The following ASXL2 variants were observed in gnomAD, a reference collection of about 807,000 sequenced individuals.
ASXL2 encodes the protein ASXL transcriptional regulator 2, also known as putative Polycomb group protein ASXL2.
ASXL2 carries 23 observed loss-of-function variants against 122.0 expected under a neutral mutation model. The ratio of observed to expected loss-of-function variants is 0.19; its 90% CI spans 0.14 to 0.27. ASXL2 has a LOEUF of 0.27. Among genes scored for constraint, ASXL2 ranks in the 10% least tolerant of loss-of-function variants. The pLI is 1.00. For missense variants in ASXL2, 1,518 were observed against 1,713.8 expected (o/e 0.89, Z 2.02); for synonymous variants, 650 against 637.0 (o/e 1.02, Z -0.31).
At chr2:25,785,436 G>T (rs185814642) in intron 5 of ASXL2, among the ~76,000 whole-genome samples, 6 of 152,254 alleles carry the variant, frequency 3.9e-5, no homozygotes, top group Admixed American at 3.3e-4. Flanking sequence ...TGGTGGCCAG[G>T]CTGGTCTCAA....
chr2:25,857,098 GGGA>G, intron 1 of ASXL2: 2 of 117,174 alleles, frequency 1.7e-5, no homozygotes, highest in African/African-American at 6.3e-5. Flanking sequence ...GGCGGGGGGG[GGGA>G]GATGGGCAGC....
chr2:25,798,329 A>T (rs2088942069), intron 5 of ASXL2, among the ~76,000 whole-genome samples: 1 of 152,224 alleles, frequency 6.6e-6, no homozygotes, highest in African/African-American at 2.4e-5. Context: ...AAAAGTTCAA[A>T]CAAAAAAGAA....
intron 3 of ASXL2, among the ~76,000 whole-genome samples, chr2:25,820,065 C>T (rs1353242931): frequency 2.0e-5 from 3 of 152,120 alleles, no homozygotes; most frequent in East Asian, 1.9e-4. Context: ...GTGTGCACCA[C>T]GATACCTGGC....
At chr2:25,795,772 A>C (rs1052239358) in intron 5 of ASXL2, among the ~76,000 whole-genome samples, 2 of 152,178 alleles carry the variant, frequency 1.3e-5, no homozygotes, top group African/African-American at 4.8e-5. Context: ...TTGTGAAAAG[A>C]AGCGAAAAAA....
chr2:25,756,058 G>A lies in ASXL2; in HGVS notation c.996C>T (p.Phe332=). 1 of 1,613,258 alleles carries A rather than the reference G, an allele frequency of 6.2e-7. No homozygotes were observed. Among genetic ancestry groups the A allele is most frequent in the Non-Finnish European group, 8.5e-7 (1 of 1,179,554 alleles). ...LNGSALNNEF[F]TSAAQGWKER... ...CCTTCCAGCCTTGGGCTGCTGAAGT[G>A]AAGAATTCATTGTTAAGGGCTGAGC... The change falls in exon 10 of 13, where the codon TTC becomes TTT. Residue 332 remains phenylalanine (F), a synonymous_variant. Transcript: ENST00000435504.
intron 6 of ASXL2, 102 bp from the exon 7 acceptor site, chr2:25,768,970 A>T (rs1385759023): frequency 1.7e-5 from 22 of 1,328,186 alleles, no homozygotes; most frequent in Non-Finnish European, 2.2e-5. Flanking sequence ...CTGATCGTTC[A>T]ATTTCTTTGA....
intron 1 of ASXL2, among the ~76,000 whole-genome samples, chr2:25,872,098 C>A (rs1334267116): frequency 6.6e-6 from 1 of 152,126 alleles, no homozygotes. Flanking sequence ...CAAAGAGCTA[C>A]ATAAATTAAA....
intron 5 of ASXL2, 136 bp from the exon 6 acceptor site, chr2:25,771,676 T>A: frequency 1.4e-6 from 1 of 690,258 alleles, no homozygotes; most frequent in Non-Finnish European, 2.4e-6. Context: ...TTTTTGGAGT[T>A]TTACTGCAAA....
In ASXL2 at chr2:25,846,117, G is replaced by A. The variant is rs1286243944; in HGVS notation, c.58-554C>T. ...TGGACTTAAAGGCAGCCCAAAACCC[G>A]GAACTGCAGACTAAGTGCAGGCAGA... On this transcript the variant is annotated intron_variant, in intron 1 of 12. Transcript: ENST00000435504. Among the ~76,000 whole-genome samples, 4 of 152,234 alleles carry A rather than the reference G, an allele frequency of 2.6e-5. No individual in the cohort carries two copies. In the East Asian group the frequency reaches 5.8e-4, roughly 22 times the overall value.
At chr2:25,803,386 G>A (rs2089029302) in intron 4 of ASXL2, among the ~76,000 whole-genome samples, 1 of 152,214 alleles carries the variant, frequency 6.6e-6, no homozygotes, top group East Asian at 1.9e-4. Flanking sequence ...AACCCAAGGA[G>A]GGAACCCCAA....
chr2:25,839,273 A>T lies in ASXL2; in HGVS notation c.141-3733T>A, dbSNP rs531438743. On this transcript the variant is annotated intron_variant, in intron 2 of 12. Transcript: ENST00000435504. ...AGAAAATTGAACAAGGAGGTGAGAC[A>T]TCTCTCAACAAAATTCTTTTTACTA... Among the ~76,000 whole-genome samples the T allele has an allele frequency of 4.6e-5, 7 of 152,340 alleles. No individual in the cohort carries two copies. In the South Asian group the frequency reaches 1.4e-3, roughly 32 times the overall value.
intron 5 of ASXL2, among the ~76,000 whole-genome samples, chr2:25,797,338 G>A (rs887433704): frequency 1.3e-5 from 2 of 152,074 alleles, no homozygotes; most frequent in Non-Finnish European, 2.9e-5. Context: ...CCAGCTACTC[G>A]GGAGGCCAAG....
In ASXL2 at chr2:25,741,193, G is replaced by A. The variant is rs765197550; in HGVS notation, c.*836C>T. ...TTAGTTACCACGAATGACTAAGTGCGGGGATAGGGTATTTTTGCTGGAATT... is the reference window on the plus strand; with the variant it reads ...TTAGTTACCACGAATGACTAAGTGCAGGGATAGGGTATTTTTGCTGGAATT... On this transcript the variant is annotated 3_prime_UTR_variant, in exon 13 of 13. Coordinates refer to ENST00000435504, the MANE Select transcript of ASXL2 (RefSeq NM_018263.6). The A allele has an allele frequency of 2.2e-5, 5 of 223,336 alleles. No homozygotes were observed. Among genetic ancestry groups the A allele is most frequent in the Non-Finnish European group, 4.5e-5 (5 of 112,016 alleles). 13.8% of individuals were successfully genotyped at this position (223,336 alleles called of 1,614,324 possible).
rs775430297 is a variant in ASXL2 at position 25,742,814 on chromosome 2, T to C, written c.3523A>G (p.Ser1175Gly). 1.4e-5 allele frequency: 23 copies of C among 1,613,946 alleles called. No individual in the cohort carries two copies. Among genetic ancestry groups the C allele is most frequent in the South Asian group, 2.2e-5 (2 of 91,090 alleles). Residue 1175 changes from serine (S) to glycine (G), a missense_variant, in exon 13 of 13, where the codon AGC becomes GGC. Transcript: ENST00000435504. The stretch of plus-strand genomic sequence containing the variant: ...TCATCAGTGTCATCTTCTTTGCTGC[T>C]GCTACTCTCTCCTGTTGCATTTTTA... ...DCKNATGESS[S>G]SKEDDTDEES...
At chr2:25,816,631 A>C (rs1383653676) in intron 3 of ASXL2, among the ~76,000 whole-genome samples, 1 of 152,232 alleles carries the variant, frequency 6.6e-6, no homozygotes, top group Non-Finnish European at 1.5e-5. Flanking sequence ...AGGAAGAAAA[A>C]AAGTATTTGT....
At chr2:25,830,032 A>G (rs968521496) in intron 3 of ASXL2, among the ~76,000 whole-genome samples, 1 of 152,236 alleles carries the variant, frequency 6.6e-6, no homozygotes, top group African/African-American at 2.4e-5. Context: ...AACAGAAGCA[A>G]CAGAGATCAA....
At chr2:25,769,781 G>GT (rs1252475403) in intron 6 of ASXL2, among the ~76,000 whole-genome samples, 1 of 152,122 alleles carries the variant, frequency 6.6e-6, no homozygotes, top group Non-Finnish European at 1.5e-5. Context: ...AAAGTGTGGA[G>GT]TAACTGGCTA....
intron 11 of ASXL2, among the ~76,000 whole-genome samples, chr2:25,752,128 G>T (rs1457585282): frequency 6.6e-6 from 1 of 152,160 alleles, no homozygotes; most frequent in Non-Finnish European, 1.5e-5. Flanking sequence ...CTGTGAAGGA[G>T]ATGGATAAAT....
chr2:25,752,971 A>ATTT (rs200703952), intron 11 of ASXL2, among the ~76,000 whole-genome samples: 1 of 145,324 alleles, frequency 6.9e-6, no homozygotes, highest in Non-Finnish European at 1.5e-5. Context: ...TTAGAAATGT[A>ATTT]TTTTTTTTTT....
Sources: gnomAD v4.1 joint callset for allele counts (sites outside exome capture counted in the v4.1 genomes callset) on GRCh38, gnomAD v4.1.1 for gene constraint, MANE v1.5 for transcripts, NCBI Gene and HGNC (gene_info 2026-07-23, HGNC 2026-07-21) for gene names.